Variants in CHORDC1 observed in about 807,000 individuals in gnomAD.
CHORDC1 encodes the protein cysteine and histidine rich domain containing 1.
Under a neutral mutation model 48.3 loss-of-function variants are expected in CHORDC1, and 25 were observed. The observed-to-expected ratio is 0.52, with a 90% confidence interval of 0.38 to 0.72. The LOEUF (loss-of-function observed/expected upper bound fraction) is 0.72. CHORDC1 is among the 30% of genes least tolerant of loss of function. The pLI is 0.00. For synonymous variants in CHORDC1, 128 were observed against 126.4 expected, an observed-to-expected ratio of 1.01 and a Z score of -0.09; for missense variants, 317 against 388.7, an observed-to-expected ratio of 0.82 and a Z score of 1.55.
In CHORDC1 at chr11:90,222,892, G is replaced by A. The variant is rs1346801550; in HGVS notation, c.63C>T (p.Asp21=). 2 of 1,613,818 alleles carry A rather than the reference G, an allele frequency of 1.2e-6. No homozygotes were observed. The highest frequency in any genetic ancestry group is 1.7e-5 in the Admixed American group (1 of 60,016). ...GGGCTGGCGGCGCGTTCCTCTTACC[G>A]TCGGAATTGGTCTCAGGATCGAAGC... ...GQRFDPETNS[D]DACTYHPGVP... Residue 21 remains aspartate (D), a splice_region_variant and synonymous_variant, in exon 1 of 11, where the codon GAC becomes GAT. Transcript: ENST00000320585.
At chr11:90,219,539 AG>A (rs916173117) in intron 1 of CHORDC1, among the ~76,000 whole-genome samples, 3 of 152,246 alleles carry the variant, frequency 2.0e-5, no homozygotes, top group African/African-American at 4.8e-5. Flanking sequence ...AATGAGGGCA[AG>A]GAACAACTGT....
chr11:90,220,948 G>A (rs999618227), intron 1 of CHORDC1, among the ~76,000 whole-genome samples: 2 of 151,966 alleles, frequency 1.3e-5, no homozygotes, highest in Admixed American at 6.5e-5. Context: ...GTTACCAACT[G>A]TGTCTCCCTT....
In CHORDC1 at chr11:90,218,897, T is replaced by C. The variant is rs188351251; in HGVS notation, c.65-713A>G. On this transcript the variant is annotated intron_variant, in intron 1 of 10. Transcript: ENST00000320585. ...TTCCAAGTGTGAAGTGACAGCCTTG[T>C]GTGTGATCTTTCTGCCTTCCCCAAG... Among the ~76,000 whole-genome samples, 33 of 152,102 alleles carry C rather than the reference T, an allele frequency of 2.2e-4. No individual in the cohort carries two copies. The East Asian group carries it at 5.8e-3, about 27-fold the overall frequency.
intron 1 of CHORDC1, among the ~76,000 whole-genome samples, chr11:90,222,079 T>TACGCAA (rs1858185255): frequency 6.6e-6 from 1 of 152,242 alleles, no homozygotes; most frequent in African/African-American, 2.4e-5. Context: ...CTTCTCACGA[T>TACGCAA]ACGCAAGGAA....
chr11:90,216,879 T>A (rs186109030), intron 2 of CHORDC1, among the ~76,000 whole-genome samples: 127 of 151,582 alleles, frequency 8.4e-4, no homozygotes, highest in Admixed American at 2.6e-3. Context: ...ATGAACTGAA[T>A]GAGAGAAAAC....
At position 90,218,195 on chromosome 11, in the gene CHORDC1, C is replaced by G; in HGVS notation, c.65-11G>C. The G allele has an allele frequency of 6.7e-7, 1 of 1,500,318 alleles. No homozygotes were observed. Among genetic ancestry groups the G allele is most frequent in the Non-Finnish European group, 8.9e-7 (1 of 1,128,636 alleles). 92.9% of individuals were successfully genotyped at this position (1,500,318 alleles called of 1,614,324 possible). ...GGTATGTGCAAGCATCTGGAGAAAA[C>G]AGAGAAAAAAAAAAAAGTACCACTC... On this transcript the variant is annotated splice_polypyrimidine_tract_variant and intron_variant, in intron 1 of 10. Transcript: ENST00000320585.
intron 5 of CHORDC1, chr11:90,210,824 G>C: frequency 2.2e-6 from 1 of 448,630 alleles, no homozygotes; most frequent in Non-Finnish European, 3.9e-6. Context: ...GTTATATCCA[G>C]TATCTTAACT....
intron 1 of CHORDC1, among the ~76,000 whole-genome samples, chr11:90,220,045 GTTTTC>G (rs1858127052): frequency 6.6e-6 from 1 of 152,124 alleles, no homozygotes; most frequent in Non-Finnish European, 1.5e-5. Flanking sequence ...TTTTGTTTTT[GTTTTC>G]TTTTAAGCTC....
intron 7 of CHORDC1, 72 bp downstream of exon 7, chr11:90,206,130 T>C (rs1857675235): frequency 2.2e-6 from 2 of 924,194 alleles, no homozygotes; most frequent in Admixed American, 1.9e-5. Context: ...TGGCAAACAA[T>C]GTTTAAAGAC....
At chr11:90,222,769 G>A in intron 1 of CHORDC1, 122 bp downstream of exon 1, 1 of 883,232 alleles carries the variant, frequency 1.1e-6, no homozygotes, top group Non-Finnish European at 1.9e-6. Context: ...GGCCCAGGAG[G>A]GGCATGGACC....
chr11:90,205,870 G>A, intron 7 of CHORDC1: 1 of 436,352 alleles, frequency 2.3e-6, no homozygotes, highest in East Asian at 4.6e-5. Flanking sequence ...GTGCCCCAGG[G>A]CCCAAAATTC....
intron 4 of CHORDC1, chr11:90,212,297 A>C (rs971503913): frequency 3.3e-5 from 5 of 152,006 alleles, no homozygotes; most frequent in African/African-American, 1.2e-4. Context: ...AGAAGTTCTG[A>C]TGGTTTTTTT....
intron 4 of CHORDC1, chr11:90,213,193 C>G: frequency 2.3e-6 from 1 of 436,224 alleles, no homozygotes; most frequent in Non-Finnish European, 4.1e-6. Context: ...AAATAAACAT[C>G]TAAAGTCTCT....
At chr11:90,204,147 A>G (rs1000828807) in intron 8 of CHORDC1, among the ~76,000 whole-genome samples, 1 of 152,140 alleles carries the variant, frequency 6.6e-6, no homozygotes, top group Non-Finnish European at 1.5e-5. Flanking sequence ...TAAATTATAT[A>G]TATCACTCAC....
chr11:90,202,510 T>C lies in CHORDC1; in HGVS notation c.894A>G (p.Thr298=). ...VKRSYVTMTA[T]KIEITMRKAE... is the part of the protein sequence containing the mutation. The stretch of plus-strand genomic sequence containing the variant: ...CTTTTCTCATAGTGATTTCAATCTT[T>C]GTTGCAGTCATAGTTACATAACTTC... The change falls in exon 11 of 11, where the codon ACA becomes ACG. Residue 298 remains threonine (T), a synonymous_variant. Transcript: ENST00000320585. 1 of 1,613,354 alleles carries C rather than the reference T, an allele frequency of 6.2e-7. No individual in the cohort carries two copies. Among genetic ancestry groups the C allele is most frequent in the East Asian group, 2.2e-5 (1 of 44,874 alleles).
intron 1 of CHORDC1, among the ~76,000 whole-genome samples, chr11:90,220,289 G>A (rs1858134224): frequency 6.6e-6 from 1 of 152,142 alleles, no homozygotes; most frequent in Non-Finnish European, 1.5e-5. Context: ...ACCATGTGCT[G>A]CATAGATACT....
At chr11:90,203,535 G>T in intron 8 of CHORDC1, 108 bp from the exon 9 acceptor site, 1 of 1,035,190 alleles carries the variant, frequency 9.7e-7, no homozygotes, top group Non-Finnish European at 1.3e-6. Context: ...CAACAACTAA[G>T]CACTTAATGT....
Position 90,200,783 on chromosome 11 carries a change from G to A in CHORDC1, c.*1622C>T, listed in dbSNP as rs771981971. Among the ~76,000 whole-genome samples, 14 of 151,912 alleles carry A rather than the reference G, an allele frequency of 9.2e-5. No individual in the cohort carries two copies. Among genetic ancestry groups the A allele is most frequent in the Non-Finnish European group, 1.5e-4 (10 of 67,850 alleles). Reference sequence around the variant, plus strand: ...TGTTTAGGGGAAAACAGCCTCAGAAGGAAGTATGAACAAAAAGGGATATTA... The same window carrying A: ...TGTTTAGGGGAAAACAGCCTCAGAAAGAAGTATGAACAAAAAGGGATATTA... On this transcript the variant is annotated 3_prime_UTR_variant, in exon 11 of 11. Coordinates refer to ENST00000320585, the MANE Select transcript of CHORDC1 (RefSeq NM_012124.3).
chr11:90,220,186 T>C (rs1858131526), intron 1 of CHORDC1, among the ~76,000 whole-genome samples: 2 of 152,228 alleles, frequency 1.3e-5, no homozygotes, highest in African/African-American at 4.8e-5. Flanking sequence ...ACCCTTGCTC[T>C]ATCACCTGAT....
Sources: gnomAD v4.1 joint callset for allele counts (sites outside exome capture counted in the v4.1 genomes callset) on GRCh38, gnomAD v4.1.1 for gene constraint, MANE v1.5 for transcripts, NCBI Gene and HGNC (gene_info 2026-07-23, HGNC 2026-07-21) for gene names.